SOX6: variants seen among roughly 807,000 people sequenced by gnomAD.
SOX6 encodes SRY-box transcription factor 6, also known as transcription factor SOX-6.
SOX6 carries 11 observed loss-of-function variants against 97.8 expected under a neutral mutation model. The observed-to-expected ratio is 0.11, with a 90% confidence interval of 0.07 to 0.19. SOX6 has a LOEUF of 0.19. Ranked by LOEUF, SOX6 falls within the 10% of genes least tolerant of loss-of-function variation. The pLI, the probability that SOX6 is intolerant of heterozygous loss-of-function variation, is 1.00. For missense variants in SOX6, 810 were observed against 1,039.5 expected (o/e 0.78, Z 3.04); for synonymous variants, 360 against 371.4 (o/e 0.97, Z 0.35).
At chr11:16,556,370 T>C (rs1248710419) in intron 4 of SOX6, among the ~76,000 whole-genome samples, 1 of 151,724 alleles carries the variant, frequency 6.6e-6, no homozygotes, top group Non-Finnish European at 1.5e-5. Context: ...GCAATGCTAA[T>C]CTAACTCATT....
At chr11:16,077,794 T>C (rs184550860) in intron 9 of SOX6, among the ~76,000 whole-genome samples, 1 of 152,100 alleles carries the variant, frequency 6.6e-6, no homozygotes, top group Non-Finnish European at 1.5e-5. Flanking sequence ...CAACAGACAC[T>C]GGGGCCTACT....
At chr11:16,679,045 C>A (rs757418745) in intron 3 of SOX6, among the ~76,000 whole-genome samples, 1 of 152,240 alleles carries the variant, frequency 6.6e-6, no homozygotes, top group African/African-American at 2.4e-5. Flanking sequence ...CATAGCTGAA[C>A]AAAAGGCAGA....
At chr11:16,036,869 T>G (rs142316372) in intron 12 of SOX6, among the ~76,000 whole-genome samples, 18 of 152,198 alleles carry the variant, frequency 1.2e-4, no homozygotes, top group Admixed American at 4.6e-4. Flanking sequence ...AGACAGATTC[T>G]TTGTTAGACT....
intron 7 of SOX6, among the ~76,000 whole-genome samples, chr11:16,106,329 C>G (rs1316106362): frequency 6.7e-6 from 1 of 148,776 alleles, no homozygotes; most frequent in Non-Finnish European, 1.5e-5. Context: ...CAGGATGGTA[C>G]TGGCATAAGG....
chr11:16,716,651 T>A (rs1023498455), intron 2 of SOX6, among the ~76,000 whole-genome samples: 2 of 152,042 alleles, frequency 1.3e-5, no homozygotes, highest in African/African-American at 4.8e-5. Context: ...CATAGCAGCA[T>A]CATTCATAAT....
rs1856624013 is a variant in SOX6 at position 16,341,254 on chromosome 11, T to C, written c.-4-2A>G. ...GTGGCTTGCTTGGAAGACATTCTTCTGCAGAAAAAAAACAGAACGGATTAA... is the reference window on the plus strand; with the variant it reads ...GTGGCTTGCTTGGAAGACATTCTTCCGCAGAAAAAAAACAGAACGGATTAA... On this transcript the variant is annotated splice_acceptor_variant, in intron 1 of 15. Coordinates refer to ENST00000683767, the MANE Select transcript of SOX6 (RefSeq NM_001367873.1). LOFTEE classifies it low-confidence loss of function (5UTR_SPLICE). 1 of 1,611,972 alleles carries C rather than the reference T, an allele frequency of 6.2e-7. No homozygotes were observed.
chr11:16,599,090 T>C (rs1215491135), intron 4 of SOX6, among the ~76,000 whole-genome samples: 2 of 152,184 alleles, frequency 1.3e-5, no homozygotes, highest in Non-Finnish European at 2.9e-5. Context: ...CAAATCAATA[T>C]ACTTAAGTAA....
In SOX6 at chr11:16,370,231, G is replaced by C. The variant is rs1487742294; in HGVS notation, c.-4-28979C>G. 2.6e-5 allele frequency among the ~76,000 whole-genome samples: 4 copies of C among 152,068 alleles called. No homozygotes were observed. In the East Asian group the frequency reaches 7.7e-4, roughly 29 times the overall value. On this transcript the variant is annotated intron_variant, in intron 1 of 15. Coordinates refer to the SOX6 transcript ENST00000396356. Reference sequence around the variant, plus strand: ...CCATGGCTGGTAGCTGCTTCATACAGTTATTAATATCTGGGTTACCTCAGC... The same window carrying C: ...CCATGGCTGGTAGCTGCTTCATACACTTATTAATATCTGGGTTACCTCAGC...
intron 4 of SOX6, among the ~76,000 whole-genome samples, chr11:16,609,471 G>A (rs949241703): frequency 2.0e-5 from 3 of 152,222 alleles, no homozygotes; most frequent in Non-Finnish European, 4.4e-5. Context: ...GACCAAAAGA[G>A]GAGTCAGGAA....
At chr11:16,670,477 C>T (rs184354250) in intron 3 of SOX6, among the ~76,000 whole-genome samples, 7 of 152,312 alleles carry the variant, frequency 4.6e-5, no homozygotes, top group Admixed American at 4.6e-4. Flanking sequence ...GCCACTGCCT[C>T]TGCAGTGAAA....
At chr11:15,973,207 G>T in intron 15 of SOX6, 95 bp from the exon 16 acceptor site, 1 of 1,227,794 alleles carries the variant, frequency 8.1e-7, no homozygotes, top group Non-Finnish European at 1.2e-6. Context: ...CTTTCAAAAG[G>T]GAGCCCTAAA....
At chr11:16,000,737 T>C (rs60281967) in intron 13 of SOX6, among the ~76,000 whole-genome samples, 31 of 122,818 alleles carry the variant, frequency 2.5e-4, no homozygotes, top group African/African-American at 1.1e-3. Flanking sequence ...TGTGCGCGCG[T>C]GCGCGTGTGT....
At chr11:16,550,966 C>G (rs879932612) in intron 4 of SOX6, among the ~76,000 whole-genome samples, 1 of 152,074 alleles carries the variant, frequency 6.6e-6, no homozygotes, top group East Asian at 1.9e-4. Flanking sequence ...ACCTGTAATT[C>G]CAGCACTTTG....
At chr11:16,436,366 TTCTA>T (rs1299615917) in intron 1 of SOX6, among the ~76,000 whole-genome samples, 11 of 151,986 alleles carry the variant, frequency 7.2e-5, no homozygotes, top group Admixed American at 6.6e-5. Context: ...TCTTAAGGTG[TTCTA>T]TCTCTCATTT....
chr11:16,139,288 G>C (rs1850063587), intron 6 of SOX6, among the ~76,000 whole-genome samples: 1 of 152,112 alleles, frequency 6.6e-6, no homozygotes, highest in South Asian at 2.1e-4. Flanking sequence ...TCACCCAATA[G>C]TTTTAGCATC....
At chr11:16,725,450 G>A (rs1848299859) in intron 2 of SOX6, among the ~76,000 whole-genome samples, 1 of 151,940 alleles carries the variant, frequency 6.6e-6, no homozygotes, top group Admixed American at 6.6e-5. Context: ...AGTGAGCAGA[G>A]ATCATGCCAC....
intron 6 of SOX6, among the ~76,000 whole-genome samples, chr11:16,137,356 G>T (rs897459327): frequency 3.3e-5 from 5 of 152,098 alleles, no homozygotes; most frequent in Non-Finnish European, 7.4e-5. Flanking sequence ...AGCCCAGGAG[G>T]CGGAGGTTGC....
intron 9 of SOX6, among the ~76,000 whole-genome samples, chr11:16,060,163 A>AT (rs60751355): frequency 1.3e-4 from 19 of 151,486 alleles, no homozygotes; most frequent in South Asian, 4.2e-4. Flanking sequence ...AAATACATCT[A>AT]TTTTTTTTTA....
intron 1 of SOX6, among the ~76,000 whole-genome samples, chr11:16,393,214 A>C (rs1259292350): frequency 6.6e-6 from 1 of 152,036 alleles, no homozygotes; most frequent in African/African-American, 2.4e-5. Flanking sequence ...TGTTTTTCAG[A>C]ATAAACATGC....
Sources: allele counts gnomAD v4.1 joint callset (sites outside exome capture counted in the v4.1 genomes callset), GRCh38; gene constraint gnomAD v4.1.1; transcripts MANE v1.5; gene names NCBI Gene and HGNC (gene_info 2026-07-23, HGNC 2026-07-21).